VEPH1: variants seen among roughly 807,000 people sequenced by gnomAD.
VEPH1 encodes ventricular zone-expressed PH domain-containing protein homolog 1.
VEPH1 carries 80 observed loss-of-function variants against 85.2 expected under a neutral mutation model. That is an observed-to-expected ratio of 0.94 (90% CI 0.78 to 1.13). The LOEUF (loss-of-function observed/expected upper bound fraction) is 1.13, where lower values mean the gene tolerates loss of function less well. VEPH1 is among the 50% of genes most tolerant of loss of function. The pLI, the probability that VEPH1 is intolerant of heterozygous loss-of-function variation, is 0.00. For synonymous variants in VEPH1, 297 were observed against 348.0 expected (o/e 0.85, Z 1.63); for missense variants, 955 against 980.5 (o/e 0.97, Z 0.35).
intron 9 of VEPH1, among the ~76,000 whole-genome samples, chr3:157,355,973 C>T (rs762181256): frequency 1.3e-5 from 2 of 151,140 alleles, no homozygotes; most frequent in Admixed American, 6.6e-5. Context: ...AGTCACCGCT[C>T]ACTGCAGCCT....
rs775239559 is a variant in VEPH1, at chr3:157,413,895, C to T, written c.892G>A (p.Gly298Arg). Residue 298 changes from glycine to arginine, a missense_variant, in exon 6 of 14, where the codon GGG (glycine) becomes AGG (arginine). Gly to Arg is a moderately radical substitution (Grantham distance 125). Coordinates refer to ENST00000362010, the MANE Select transcript of VEPH1 (RefSeq NM_001167912.2). The stretch of plus-strand genomic sequence containing the variant: ...GCCAAACTTACTTCATCCACATGCC[C>T]AACAGCTCCATAAATCCTTGCCATC... ...GQMARIYGAV[G>R]HVDEERARSC... The T allele has an allele frequency of 2.5e-6, 4 of 1,613,328 alleles. No individual in the cohort carries two copies. The highest frequency in any genetic ancestry group is 3.4e-6 in the Non-Finnish European group (4 of 1,179,522).
intron 2 of VEPH1, among the ~76,000 whole-genome samples, chr3:157,470,824 T>A (rs995791368): frequency 6.6e-6 from 1 of 152,244 alleles, no homozygotes; most frequent in Non-Finnish European, 1.5e-5. Context: ...ATCTTTAGAC[T>A]ATTTCAGTTT....
At chr3:157,410,267 C>A (rs1244711294) in intron 6 of VEPH1, among the ~76,000 whole-genome samples, 2 of 152,100 alleles carry the variant, frequency 1.3e-5, no homozygotes, top group Admixed American at 1.3e-4. Flanking sequence ...AATCCCCATG[C>A]CTTATATGGT....
At chr3:157,422,985 T>C (rs571067410) in intron 5 of VEPH1, among the ~76,000 whole-genome samples, 4 of 152,214 alleles carry the variant, frequency 2.6e-5, no homozygotes, top group Admixed American at 1.3e-4. Context: ...TGCCTGTCTC[T>C]TGTCTTTTTT....
At chr3:157,370,066 C>T (rs371088534) in intron 7 of VEPH1, among the ~76,000 whole-genome samples, 1 of 152,208 alleles carries the variant, frequency 6.6e-6, no homozygotes, top group Non-Finnish European at 1.5e-5. Context: ...TAACTCAACA[C>T]ACCACATTAC....
rs75830977 is a variant in VEPH1, at chr3:157,472,672, A to G, written c.139-2143T>C. 7.5e-3 allele frequency among the ~76,000 whole-genome samples: 1,146 copies of G among 152,028 alleles called. 23 individuals carry two copies. The highest frequency in any genetic ancestry group is 0.068 in the East Asian group (351 of 5,166). On this transcript the variant is annotated intron_variant, in intron 2 of 13. Transcript: ENST00000362010. ...TTTTTCTGATTCTCTCCTTCCTCCC[A>G]CCATCTAACCACTGATAGGCCCCAG...
Position 157,299,285 on chromosome 3 carries a change from G to A in VEPH1, c.2011-12611C>T, listed in dbSNP as rs59292097. Among the ~76,000 whole-genome samples the A allele has an allele frequency of 5.9e-3, 897 of 152,054 alleles. 9 individuals carry two copies. Among genetic ancestry groups the A allele is most frequent in the African/African-American group, 0.02 (845 of 41,496 alleles). On this transcript the variant is annotated intron_variant, in intron 11 of 13. Transcript: ENST00000362010. ...CTCAAAAAATGAAACATGGCCAAAC[G>A]CAGTGGCTCGCACATACAATCCCAG...
chr3:157,265,843 A>G (rs368132708), intron 12 of VEPH1, among the ~76,000 whole-genome samples, 181 bp from the exon 13 acceptor site: 3 of 152,204 alleles, frequency 2.0e-5, no homozygotes, highest in African/African-American at 7.2e-5. Context: ...CAATTCAGAT[A>G]TGACAATGGA....
intron 2 of VEPH1, among the ~76,000 whole-genome samples, chr3:157,478,070 G>A (rs1006369176): frequency 6.6e-6 from 1 of 152,138 alleles, no homozygotes; most frequent in Non-Finnish European, 1.5e-5. Context: ...TCTCTCAGCT[G>A]TTGGTTTGTA....
chr3:157,468,507 G>A (rs1276361783), intron 3 of VEPH1, among the ~76,000 whole-genome samples: 8 of 151,808 alleles, frequency 5.3e-5, no homozygotes, highest in African/African-American at 9.7e-5. Context: ...CCCGGGAGGC[G>A]GAGGTTGCAG....
At chr3:157,308,104 T>G (rs1012237165) in intron 11 of VEPH1, among the ~76,000 whole-genome samples, 3 of 151,874 alleles carry the variant, frequency 2.0e-5, no homozygotes, top group African/African-American at 7.2e-5. Flanking sequence ...TTTTGAACTT[T>G]CCACACAAAT....
chr3:157,279,131 A>G (rs192858880), intron 12 of VEPH1, among the ~76,000 whole-genome samples: 101 of 152,314 alleles, frequency 6.6e-4, no homozygotes, highest in East Asian at 2.1e-3. Flanking sequence ...GACCGCATAT[A>G]TAGATCTGGA....
chr3:157,319,334 A>T (rs551629313), intron 9 of VEPH1, among the ~76,000 whole-genome samples: 7 of 152,202 alleles, frequency 4.6e-5, no homozygotes, highest in Non-Finnish European at 8.8e-5. Flanking sequence ...AGAGTGCTTG[A>T]AGCCTCAGTG....
At chr3:157,307,574 G>T (rs1312128606) in intron 11 of VEPH1, among the ~76,000 whole-genome samples, 1 of 151,732 alleles carries the variant, frequency 6.6e-6, no homozygotes, top group Non-Finnish European at 1.5e-5. Flanking sequence ...ATATGATTGG[G>T]ACTGTTTCTG....
chr3:157,288,556 C>T (rs879859041), intron 11 of VEPH1, among the ~76,000 whole-genome samples: 2 of 151,896 alleles, frequency 1.3e-5, no homozygotes, highest in Non-Finnish European at 2.9e-5. Context: ...AATGGATTAG[C>T]ATTGGTTTGT....
At chr3:157,404,660 C>T (rs1731019324) in intron 6 of VEPH1, among the ~76,000 whole-genome samples, 1 of 152,178 alleles carries the variant, frequency 6.6e-6, no homozygotes, top group Non-Finnish European at 1.5e-5. Context: ...AAAACACCAA[C>T]TCCCATCACT....
intron 9 of VEPH1, among the ~76,000 whole-genome samples, chr3:157,333,098 G>C (rs1473189600): frequency 1.3e-5 from 2 of 152,122 alleles, no homozygotes; most frequent in Non-Finnish European, 2.9e-5. Flanking sequence ...GATATTTCCA[G>C]GAATTTGGCC....
chr3:157,306,922 C>CT (rs1719572660), intron 11 of VEPH1, among the ~76,000 whole-genome samples: 1 of 152,056 alleles, frequency 6.6e-6, no homozygotes, highest in African/African-American at 2.4e-5. Context: ...TTAGCTCCCA[C>CT]TTACAAGTGA....
chr3:157,492,324 A>T (rs1326744722), intron 2 of VEPH1, among the ~76,000 whole-genome samples: 1 of 152,194 alleles, frequency 6.6e-6, no homozygotes, highest in Non-Finnish European at 1.5e-5. Context: ...TATAATTTTC[A>T]TTGTAAATCA....
Sources: allele counts gnomAD v4.1 joint callset (sites outside exome capture counted in the v4.1 genomes callset), GRCh38; gene constraint gnomAD v4.1.1; transcripts MANE v1.5; gene names NCBI Gene and HGNC (gene_info 2026-07-23, HGNC 2026-07-21).